The following SNAP25 variants were observed in gnomAD, a reference collection of about 807,000 sequenced individuals.
SNAP25 encodes synaptosomal-associated protein 25.
A neutral mutation model predicts 28.7 loss-of-function variants in SNAP25; 3 were observed. That is an observed-to-expected ratio of 0.10 (90% CI 0.05 to 0.27). SNAP25 has a LOEUF of 0.27. Among genes scored for constraint, SNAP25 ranks in the 10% least tolerant of loss-of-function variants. The pLI is 1.00. For synonymous variants in SNAP25, 61 were observed against 88.1 expected (o/e 0.69, Z 1.72); for missense variants, 117 against 278.7 (o/e 0.42, Z 4.13).
chr20:10,269,595 A>G (rs1473733582), intron 1 of SNAP25, among the ~76,000 whole-genome samples: 3 of 152,164 alleles, frequency 2.0e-5, no homozygotes, highest in Admixed American at 2.0e-4. Context: ...AATTCTTTTT[A>G]GGCTAAGGAT....
chr20:10,248,962 A>G (rs1442438834), intron 1 of SNAP25, among the ~76,000 whole-genome samples: 1 of 152,208 alleles, frequency 6.6e-6, no homozygotes, highest in East Asian at 1.9e-4. Context: ...GTGTCAAGGT[A>G]TGTACTGTTA....
At chr20:10,224,698 T>C (rs1225934503) in intron 1 of SNAP25, among the ~76,000 whole-genome samples, 1 of 152,028 alleles carries the variant, frequency 6.6e-6, no homozygotes, top group Non-Finnish European at 1.5e-5. Context: ...GCCTTCATCT[T>C]TCTGAAGCCT....
At position 10,296,740 on chromosome 20, in the gene SNAP25, T is replaced by C. The variant is rs953338359; in HGVS notation, c.282-185T>C. On this transcript the variant is annotated intron_variant, in intron 5 of 7. Coordinates refer to ENST00000254976, the MANE Select transcript of SNAP25 (RefSeq NM_130811.4). The stretch of plus-strand genomic sequence containing the variant: ...GCAATGGATTCGATTGGAAGTGAAA[T>C]GTTGAGTAGCTGAGGCATGGTGGTG... 1.5e-5 allele frequency: 10 copies of C among 682,064 alleles called. No homozygotes were observed. The African/African-American group carries it at 1.9e-4, about 13-fold the overall frequency. 42.3% of individuals were successfully genotyped at this position (682,064 alleles called of 1,614,324 possible).
At chr20:10,280,390 G>A (rs2063759454) in intron 3 of SNAP25, among the ~76,000 whole-genome samples, 1 of 152,184 alleles carries the variant, frequency 6.6e-6, no homozygotes, top group African/African-American at 2.4e-5. Context: ...TCAGCCTGGA[G>A]TTAGGAACTC....
chr20:10,266,857 A>G (rs2063515390), intron 1 of SNAP25, among the ~76,000 whole-genome samples: 1 of 152,214 alleles, frequency 6.6e-6, no homozygotes, highest in Non-Finnish European at 1.5e-5. Context: ...CAATAGGTCA[A>G]ATTGACTAGG....
intron 4 of SNAP25, among the ~76,000 whole-genome samples, chr20:10,291,641 C>G (rs2064000576): frequency 6.6e-6 from 1 of 152,152 alleles, no homozygotes; most frequent in Admixed American, 6.5e-5. Flanking sequence ...GTGAATGTAT[C>G]TTAGTTTTTT....
At chr20:10,227,464 CA>C (rs948926166) in intron 1 of SNAP25, among the ~76,000 whole-genome samples, 27 of 152,040 alleles carry the variant, frequency 1.8e-4, no homozygotes, top group African/African-American at 5.6e-4. Context: ...TTTTATTGAT[CA>C]AATGTTATGA....
chr20:10,301,484 A>G (rs770073400), intron 7 of SNAP25, among the ~76,000 whole-genome samples: 1 of 152,200 alleles, frequency 6.6e-6, no homozygotes, highest in Non-Finnish European at 1.5e-5. Context: ...CCAAATGATC[A>G]TGTCGCATGA....
intron 1 of SNAP25, among the ~76,000 whole-genome samples, chr20:10,253,478 A>G (rs1230462586): frequency 6.6e-6 from 1 of 152,150 alleles, no homozygotes; most frequent in Non-Finnish European, 1.5e-5. Context: ...GGGATGATGA[A>G]GGCACCCACA....
At chr20:10,251,851 T>C (rs1022324561) in intron 1 of SNAP25, among the ~76,000 whole-genome samples, 6 of 152,218 alleles carry the variant, frequency 3.9e-5, no homozygotes, top group Non-Finnish European at 8.8e-5. Flanking sequence ...TTTTGGATAT[T>C]TGTGCAGCTA....
chr20:10,238,442 G>A (rs1221142849), intron 1 of SNAP25, among the ~76,000 whole-genome samples: 2 of 152,174 alleles, frequency 1.3e-5, no homozygotes, highest in Non-Finnish European at 2.9e-5. Context: ...CGAGGGAGTG[G>A]GAGGGAGGTG....
intron 1 of SNAP25, among the ~76,000 whole-genome samples, chr20:10,230,343 A>T (rs2062807411): frequency 6.6e-6 from 1 of 152,118 alleles, no homozygotes; most frequent in African/African-American, 2.4e-5. Context: ...ACAAAGTAGG[A>T]ATTGATGAGT....
chr20:10,253,307 C>T (rs1021269218), intron 1 of SNAP25, among the ~76,000 whole-genome samples: 4 of 152,214 alleles, frequency 2.6e-5, no homozygotes, highest in African/African-American at 9.6e-5. Context: ...CTGGCTTCTT[C>T]ACATCCAGAA....
intron 3 of SNAP25, among the ~76,000 whole-genome samples, chr20:10,281,345 T>A (rs2063774655): frequency 6.6e-6 from 1 of 152,190 alleles, no homozygotes; most frequent in South Asian, 2.1e-4. Flanking sequence ...CTCCTTAAGC[T>A]TCTAGGTCCC....
At chr20:10,269,179 G>A (rs919876809) in intron 1 of SNAP25, among the ~76,000 whole-genome samples, 30 of 152,170 alleles carry the variant, frequency 2.0e-4, no homozygotes, top group African/African-American at 7.2e-4. Flanking sequence ...GGAGGTCAGG[G>A]CAGGTGGATC....
chr20:10,279,955 T>G (rs2063751935), intron 3 of SNAP25, among the ~76,000 whole-genome samples: 1 of 152,216 alleles, frequency 6.6e-6, no homozygotes, highest in South Asian at 2.1e-4. Flanking sequence ...ATTCTGCTTT[T>G]CAATCAAAAA....
chr20:10,301,118 C>T (rs753787723), intron 7 of SNAP25, among the ~76,000 whole-genome samples: 1 of 152,188 alleles, frequency 6.6e-6, no homozygotes, highest in Non-Finnish European at 1.5e-5. Flanking sequence ...CTCTTATTGA[C>T]AGAGTTGAAC....
chr20:10,288,757 T>G (rs550752656), intron 4 of SNAP25, among the ~76,000 whole-genome samples: 1 of 151,616 alleles, frequency 6.6e-6, no homozygotes, highest in Non-Finnish European at 1.5e-5. Context: ...CCCCCGAAAG[T>G]AGGTGGTTTC....
intron 1 of SNAP25, among the ~76,000 whole-genome samples, chr20:10,265,269 C>A (rs1005563122): frequency 6.6e-6 from 1 of 152,148 alleles, no homozygotes; most frequent in Non-Finnish European, 1.5e-5. Flanking sequence ...ATGAACACGG[C>A]AGATTTAAGA....
Sources: allele counts gnomAD v4.1 joint callset (sites outside exome capture counted in the v4.1 genomes callset), GRCh38; gene constraint gnomAD v4.1.1; transcripts MANE v1.5; gene names NCBI Gene and HGNC (gene_info 2026-07-23, HGNC 2026-07-21).